The following DNAH8 variants were observed in gnomAD, a reference collection of about 807,000 sequenced individuals.
DNAH8 encodes dynein axonemal heavy chain 8, also known as axonemal beta dynein heavy chain 8.
DNAH8 carries 382 observed loss-of-function variants against 562.1 expected under a neutral mutation model. The observed-to-expected ratio is 0.68, with a 90% confidence interval of 0.63 to 0.74. The LOEUF is 0.74. DNAH8 is among the 30% of genes least tolerant of loss of function. DNAH8 has a pLI of 0.00. For missense variants in DNAH8, 5,203 were observed against 5,620.4 expected (o/e 0.93, Z 2.37); for synonymous variants, 1,881 against 1,919.4 (o/e 0.98, Z 0.52).
chr6:38,789,105 G>C (rs1054629645), intron 18 of DNAH8, among the ~76,000 whole-genome samples: 10 of 152,154 alleles, frequency 6.6e-5, no homozygotes, highest in African/African-American at 2.4e-4. Context: ...ATTTTAGCTA[G>C]TATTGAACAA....
intron 88 of DNAH8, among the ~76,000 whole-genome samples, chr6:39,003,837 A>G (rs1765631645): frequency 6.6e-6 from 1 of 152,224 alleles, no homozygotes; most frequent in African/African-American, 2.4e-5. Flanking sequence ...TAAACATTGA[A>G]TAAATACAAA....
intron 58 of DNAH8, among the ~76,000 whole-genome samples, chr6:38,893,712 G>A (rs1779492873): frequency 6.6e-6 from 1 of 152,156 alleles, no homozygotes; most frequent in Non-Finnish European, 1.5e-5. Context: ...AAATAGCACT[G>A]TGAATTAGCC....
chr6:39,019,177 G>A (rs145152917), intron 91 of DNAH8, among the ~76,000 whole-genome samples: 1 of 152,254 alleles, frequency 6.6e-6, no homozygotes, highest in Non-Finnish European at 1.5e-5. Context: ...ATCCCAGGGA[G>A]GAGGTAAAAG....
chr6:38,965,987 CA>C (rs1441444164), intron 82 of DNAH8, among the ~76,000 whole-genome samples: 1 of 151,610 alleles, frequency 6.6e-6, no homozygotes, highest in East Asian at 1.9e-4. Flanking sequence ...TCAAAGCAGT[CA>C]AAAGAAAGGA....
At chr6:38,829,589 A>G (rs1583123102) in intron 30 of DNAH8, among the ~76,000 whole-genome samples, 1 of 152,316 alleles carries the variant, frequency 6.6e-6, no homozygotes, top group East Asian at 1.9e-4. Flanking sequence ...TACTGAAAAA[A>G]CTATCCTTTC....
chr6:38,834,219 A>G (rs1188362660), intron 31 of DNAH8, among the ~76,000 whole-genome samples: 1 of 152,212 alleles, frequency 6.6e-6, no homozygotes, highest in Non-Finnish European at 1.5e-5. Context: ...CTTGGGGTAC[A>G]CACTCCATAT....
chr6:38,749,855 A>G (rs1765278637), intron 8 of DNAH8, among the ~76,000 whole-genome samples: 1 of 152,110 alleles, frequency 6.6e-6, no homozygotes, highest in African/African-American at 2.4e-5. Flanking sequence ...TTTTTGAGAC[A>G]AAGTCTCACT....
intron 21 of DNAH8, among the ~76,000 whole-genome samples, chr6:38,798,729 G>A (rs1034457437): frequency 2.6e-5 from 4 of 152,182 alleles, no homozygotes; most frequent in Non-Finnish European, 4.4e-5. Context: ...TGTTTTGCAC[G>A]TGTTCTTTGA....
chr6:38,791,133 T>C (rs1003377841), intron 20 of DNAH8, among the ~76,000 whole-genome samples: 4 of 152,214 alleles, frequency 2.6e-5, no homozygotes, highest in Non-Finnish European at 4.4e-5. Flanking sequence ...TGTGCTGGTC[T>C]GTGTGTCATG....
At position 38,899,796 on chromosome 6, in the gene DNAH8, G is replaced by A. The variant is rs193131071; in HGVS notation, c.9084G>A (p.Thr3028=). The change falls in exon 62 of 93, where the codon ACG becomes ACA. Residue 3028 remains threonine, a synonymous_variant. Transcript: ENST00000327475. ...HLIKISRIIR[T]SCGNALLVGV... ...AACAGATTTCACGAATAATTCGAAC[G>A]TCGTGTGGAAATGCATTGCTGGTGG... 13 of 1,613,560 alleles carry A rather than the reference G, an allele frequency of 8.1e-6. No individual in the cohort carries two copies. Among genetic ancestry groups the A allele is most frequent in the African/African-American group, 5.3e-5 (4 of 75,010 alleles).
At chr6:38,731,129 T>G (rs1247548283) in intron 4 of DNAH8, among the ~76,000 whole-genome samples, 1 of 152,220 alleles carries the variant, frequency 6.6e-6, no homozygotes, top group Non-Finnish European at 1.5e-5. Flanking sequence ...CTTTGTGGAT[T>G]TTCTGTCTCT....
At chr6:38,896,846 G>T (rs1479102623) in intron 60 of DNAH8, among the ~76,000 whole-genome samples, 1 of 152,076 alleles carries the variant, frequency 6.6e-6, no homozygotes, top group Non-Finnish European at 1.5e-5. Context: ...GAGCACAGTG[G>T]CACGATCTCG....
chr6:38,846,524 A>G (rs991184372), intron 36 of DNAH8, among the ~76,000 whole-genome samples: 1 of 152,176 alleles, frequency 6.6e-6, no homozygotes, highest in Non-Finnish European at 1.5e-5. Flanking sequence ...TGCATGCTGC[A>G]TGACCTCTGG....
chr6:38,778,363 T>A, intron 13 of DNAH8, 25 bp from the exon 14 acceptor site: 1 of 1,272,602 alleles, frequency 7.9e-7, no homozygotes, highest in South Asian at 1.3e-5. Flanking sequence ...CCAAAAATCA[T>A]TTAAATATTA....
intron 66 of DNAH8, among the ~76,000 whole-genome samples, chr6:38,912,940 A>G (rs1330496462): frequency 2.0e-5 from 3 of 151,632 alleles, no homozygotes; most frequent in African/African-American, 7.3e-5. Flanking sequence ...CTCCCAAGTA[A>G]CTGGGATTAC....
intron 1 of DNAH8, among the ~76,000 whole-genome samples, chr6:38,721,015 G>C (rs1171274615): frequency 6.6e-6 from 1 of 152,148 alleles, no homozygotes; most frequent in African/African-American, 2.4e-5. Context: ...CAGGTTGTTT[G>C]AAAATGTGCA....
In DNAH8 at chr6:38,850,719, C is replaced by T. The variant is rs532099950; in HGVS notation, c.5363+305C>T. Among the ~76,000 whole-genome samples, 7 of 152,320 alleles carry T rather than the reference C, an allele frequency of 4.6e-5. No individual in the cohort carries two copies. In the East Asian group the frequency reaches 1.3e-3, roughly 29 times the overall value. ...TCTGAAATCAAGGTGTTGGCTCCCTCTGAAGGCTCTAAGAGAGGATCCTCC... is the reference window on the plus strand; with the variant it reads ...TCTGAAATCAAGGTGTTGGCTCCCTTTGAAGGCTCTAAGAGAGGATCCTCC... On this transcript the variant is annotated intron_variant, in intron 38 of 92. Coordinates refer to ENST00000327475, the MANE Select transcript of DNAH8 (RefSeq NM_001206927.2).
At chr6:38,912,040 A>G (rs745362454) in intron 66 of DNAH8, among the ~76,000 whole-genome samples, 1 of 152,260 alleles carries the variant, frequency 6.6e-6, no homozygotes, top group Non-Finnish European at 1.5e-5. Flanking sequence ...GTACCTAAGC[A>G]AGAGTTTTCC....
intron 82 of DNAH8, among the ~76,000 whole-genome samples, chr6:38,963,678 T>G (rs2150671288): frequency 1.6e-5 from 1 of 63,114 alleles, no homozygotes; most frequent in South Asian, 6.2e-4. Context: ...GGAAAGTCCA[T>G]TCTTTTTTTT....
Sources: gnomAD v4.1 joint callset for allele counts (sites outside exome capture counted in the v4.1 genomes callset) on GRCh38, gnomAD v4.1.1 for gene constraint, MANE v1.5 for transcripts, NCBI Gene and HGNC (gene_info 2026-07-23, HGNC 2026-07-21) for gene names.